NCOA6: variants seen among roughly 807,000 people sequenced by gnomAD.
NCOA6 encodes the protein nuclear receptor coactivator 6.
A neutral mutation model predicts 171.4 loss-of-function variants in NCOA6; 49 were observed. The observed-to-expected ratio is 0.29, with a 90% CI of 0.23 to 0.36. NCOA6 has a LOEUF of 0.36. NCOA6 is among the 10% of genes least tolerant of loss of function. NCOA6 has a pLI of 1.00. For missense variants in NCOA6, 2,248 were observed against 2,554.5 expected, an observed-to-expected ratio of 0.88 and a Z score of 2.59; for synonymous variants, 910 against 927.5, an observed-to-expected ratio of 0.98 and a Z score of 0.34.
chr20:34,739,072 A>G (rs6060025), intron 11 of NCOA6: 345,342 of 418,482 alleles, frequency 0.83, 143,807 homozygotes, highest in Admixed American at 0.93. Flanking sequence ...GGAACATGTC[A>G]GGGAAGGGAA....
rs6119513 is a variant in NCOA6 at position 34,720,522 on chromosome 20, T to G, written c.6149-5157A>C. ...GCAGGAGCATGATTAATGTCACTGG[T>G]TCTCCAACAATACAAACAGCAACAC... On this transcript the variant is annotated intron_variant, in intron 14 of 14. Coordinates refer to ENST00000359003, the MANE Select transcript of NCOA6 (RefSeq NM_014071.5). Among the ~76,000 whole-genome samples, 1,352 of 152,326 alleles carry G rather than the reference T, an allele frequency of 8.9e-3. 24 individuals carry two copies. Among genetic ancestry groups the G allele is most frequent in the African/African-American group, 0.031 (1,297 of 41,570 alleles).
chr20:34,717,292 T>G (rs1331006859), intron 14 of NCOA6, among the ~76,000 whole-genome samples: 3 of 151,808 alleles, frequency 2.0e-5, no homozygotes, highest in African/African-American at 7.3e-5. Context: ...CTCTACTAAA[T>G]AAAGAAAATT....
intron 2 of NCOA6, among the ~76,000 whole-genome samples, chr20:34,790,278 C>G (rs2077828981): frequency 6.6e-6 from 1 of 151,950 alleles, no homozygotes; most frequent in East Asian, 1.9e-4. Context: ...ACCTCAAAAA[C>G]TATATGCTAA....
intron 11 of NCOA6, chr20:34,739,036 T>C: frequency 2.3e-6 from 1 of 434,824 alleles, no homozygotes. Context: ...GAAATAGAGC[T>C]TCTTCACTTA....
At chr20:34,791,510 G>A (rs533657318) in intron 2 of NCOA6, among the ~76,000 whole-genome samples, 2 of 152,096 alleles carry the variant, frequency 1.3e-5, no homozygotes, top group East Asian at 1.9e-4. Context: ...AGGACTGGTC[G>A]TACCTCAATG....
At chr20:34,776,889 CA>C in intron 3 of NCOA6, 1 of 401,986 alleles carries the variant, frequency 2.5e-6, no homozygotes. Flanking sequence ...GAGGCCGAGG[CA>C]GGTGGATCAC....
At chr20:34,804,667 T>C (rs2078383365) in intron 1 of NCOA6, among the ~76,000 whole-genome samples, 1 of 152,070 alleles carries the variant, frequency 6.6e-6, no homozygotes, top group Non-Finnish European at 1.5e-5. Flanking sequence ...ATATAAAATA[T>C]ATAAAACATG....
chr20:34,757,326 C>T lies in NCOA6; in HGVS notation c.1422G>A (p.Pro474=), dbSNP rs1322647185. 5 of 1,614,102 alleles carry T rather than the reference C, an allele frequency of 3.1e-6. No homozygotes were observed. Among genetic ancestry groups the T allele is most frequent in the South Asian group, 2.2e-5 (2 of 91,080 alleles). The change falls in exon 7 of 15, where the codon CCG becomes CCA. Residue 474 remains proline (P), a synonymous_variant. Coordinates refer to ENST00000359003, the MANE Select transcript of NCOA6 (RefSeq NM_014071.5). ...CCTGTTGAACCATAGGATTCCGACC[C>T]GGAGAGCTGACAGGCTGCTGAAATC... ...PQGFQQPVSS[P]GRNPMVQQGN...
intron 11 of NCOA6, among the ~76,000 whole-genome samples, chr20:34,737,005 G>A (rs1361607205): frequency 1.3e-5 from 2 of 152,000 alleles, no homozygotes; most frequent in East Asian, 3.9e-4. Context: ...TAATAATAAG[G>A]GGAAGAGATG....
At chr20:34,759,212 T>G (rs544204920) in intron 5 of NCOA6, among the ~76,000 whole-genome samples, 1 of 152,056 alleles carries the variant, frequency 6.6e-6, no homozygotes, top group African/African-American at 2.4e-5. Flanking sequence ...CAGCTAATCG[T>G]TCTATATTTT....
intron 2 of NCOA6, among the ~76,000 whole-genome samples, chr20:34,791,912 C>A (rs1173944101): frequency 2.0e-5 from 3 of 152,106 alleles, no homozygotes; most frequent in Non-Finnish European, 4.4e-5. Context: ...TCCCCTGTGC[C>A]AATTTAAACC....
chr20:34,732,242 T>C (rs2075807398), intron 13 of NCOA6, among the ~76,000 whole-genome samples: 1 of 152,174 alleles, frequency 6.6e-6, no homozygotes, highest in Admixed American at 6.5e-5. Context: ...CTATTATTAA[T>C]ATTAATATCA....
intron 11 of NCOA6, among the ~76,000 whole-genome samples, chr20:34,737,968 G>A (rs1286868958): frequency 6.6e-6 from 1 of 152,114 alleles, no homozygotes; most frequent in African/African-American, 2.4e-5. Flanking sequence ...GCAGGATCTC[G>A]GTTCACCACA....
At chr20:34,770,592 A>G (rs60008627) in intron 4 of NCOA6, among the ~76,000 whole-genome samples, 1,872 of 152,204 alleles carry the variant, frequency 0.012, 48 homozygotes, top group African/African-American at 0.043. Context: ...CCTTAAAAAC[A>G]GTTCCATTGC....
chr20:34,750,666 A>G, intron 8 of NCOA6, 147 bp from the exon 9 acceptor site: 1 of 887,924 alleles, frequency 1.1e-6, no homozygotes, highest in Non-Finnish European at 1.6e-6. Flanking sequence ...ACTTCCTGTG[A>G]GTTTTCTAAA....
At chr20:34,799,917 GGTAATA>G (rs2078202619) in intron 1 of NCOA6, among the ~76,000 whole-genome samples, 1 of 152,084 alleles carries the variant, frequency 6.6e-6, no homozygotes, top group Admixed American at 6.6e-5. Context: ...AAAACTCACT[GGTAATA>G]GTAAGTACAC....
At chr20:34,822,013 C>T (rs1202513093) in intron 1 of NCOA6, among the ~76,000 whole-genome samples, 1 of 152,224 alleles carries the variant, frequency 6.6e-6, no homozygotes, top group Non-Finnish European at 1.5e-5. Flanking sequence ...TCAATGCCCA[C>T]AGCCTCTGCC....
intron 14 of NCOA6, among the ~76,000 whole-genome samples, chr20:34,723,031 C>A (rs529358160): frequency 3.9e-5 from 6 of 152,154 alleles, no homozygotes; most frequent in African/African-American, 1.4e-4. Flanking sequence ...CAAGAAAAAA[C>A]GAAAGAAAAA....
At chr20:34,788,324 A>G (rs2077753292) in intron 2 of NCOA6, among the ~76,000 whole-genome samples, 2 of 152,190 alleles carry the variant, frequency 1.3e-5, no homozygotes, top group African/African-American at 2.4e-5. Context: ...TCGGCCTCCC[A>G]AAGTGTTGGG....
Sources: allele counts gnomAD v4.1 joint callset (sites outside exome capture counted in the v4.1 genomes callset), GRCh38; gene constraint gnomAD v4.1.1; transcripts MANE v1.5; gene names NCBI Gene and HGNC (gene_info 2026-07-23, HGNC 2026-07-21).